Variants in LUZP2 observed in about 807,000 individuals in gnomAD.
LUZP2 encodes leucine zipper protein 2.
LUZP2 carries 52 observed loss-of-function variants against 51.6 expected under a neutral mutation model. The ratio of observed to expected loss-of-function variants is 1.01; its 90% CI spans 0.81 to 1.27. The LOEUF (loss-of-function observed/expected upper bound fraction) is 1.27. LUZP2 is among the 50% of genes most tolerant of loss of function. The pLI is 0.00. For missense variants in LUZP2, 436 were observed against 395.4 expected, an observed-to-expected ratio of 1.10 and a Z score of -0.87; for synonymous variants, 154 against 137.3, an observed-to-expected ratio of 1.12 and a Z score of -0.85.
chr11:24,600,207 A>G (rs1051784705), intron 1 of LUZP2, among the ~76,000 whole-genome samples: 2 of 132,652 alleles, frequency 1.5e-5, no homozygotes, highest in African/African-American at 2.8e-5. Flanking sequence ...ACACACACAC[A>G]CACACACACA....
intron 1 of LUZP2, among the ~76,000 whole-genome samples, chr11:24,534,172 T>C (rs916301779): frequency 1.3e-5 from 2 of 151,284 alleles, no homozygotes; most frequent in Non-Finnish European, 3.0e-5. Context: ...TTTCATCAAG[T>C]TGATGTTTAG....
chr11:24,601,866 G>A (rs12289011), intron 1 of LUZP2, among the ~76,000 whole-genome samples: 10 of 106,880 alleles, frequency 9.4e-5, no homozygotes, highest in East Asian at 5.1e-4. Flanking sequence ...ATATATATGT[G>A]TATATGTATA....
chr11:24,762,972 G>T lies in LUZP2; in HGVS notation c.334-274G>T. 4.2e-6 allele frequency: 4 copies of T among 961,150 alleles called. No individual in the cohort carries two copies. The South Asian group carries it at 1.9e-4, about 46-fold the overall frequency. The allele number at this position is 961,150 out of a possible 1,614,324, so 59.5% of individuals were successfully genotyped here. A position where few individuals can be genotyped will look rare whatever the true frequency, so the allele number is the denominator to read the frequency against. On this transcript the variant is annotated intron_variant, in intron 4 of 11. Transcript: ENST00000336930. ...TTTAAAAGGAAATGAAGTTTATCCA[G>T]GCAAGAGAATCACAGTCATAAAGTG...
intron 5 of LUZP2, among the ~76,000 whole-genome samples, chr11:24,814,268 A>C (rs1850107060): frequency 6.6e-6 from 1 of 152,128 alleles, no homozygotes; most frequent in Non-Finnish European, 1.5e-5. Flanking sequence ...ACTGTGAAAA[A>C]TTATTTCTTC....
At chr11:24,824,506 T>C (rs2134164937) in intron 5 of LUZP2, among the ~76,000 whole-genome samples, 1 of 152,032 alleles carries the variant, frequency 6.6e-6, no homozygotes, top group Non-Finnish European at 1.5e-5. Flanking sequence ...TAGTTATGGT[T>C]TTTATTCTAT....
chr11:24,702,487 G>C (rs946197507), intron 1 of LUZP2, among the ~76,000 whole-genome samples: 1 of 152,184 alleles, frequency 6.6e-6, no homozygotes, highest in African/African-American at 2.4e-5. Context: ...CTTCTGCTGA[G>C]GCCTCAGTGA....
In LUZP2 at chr11:24,715,629, C is replaced by T. The variant is rs368205609; in HGVS notation, c.63-13540C>T. On this transcript the variant is annotated intron_variant, in intron 1 of 11. Transcript: ENST00000336930. Reference sequence around the variant, plus strand: ...ATCATCCTATGCGTCATTCAAGGCCCCACACAAAGATATTTTCTTCCATGA... The same window carrying T: ...ATCATCCTATGCGTCATTCAAGGCCTCACACAAAGATATTTTCTTCCATGA... Among the ~76,000 whole-genome samples, 26 of 152,214 alleles carry T rather than the reference C, an allele frequency of 1.7e-4. 1 individual carries two copies. The East Asian group carries it at 2.5e-3, about 15-fold the overall frequency.
intron 1 of LUZP2, among the ~76,000 whole-genome samples, chr11:24,655,045 G>T (rs1855760086): frequency 6.6e-6 from 1 of 152,066 alleles, no homozygotes; most frequent in Non-Finnish European, 1.5e-5. Context: ...TGAAAGCATA[G>T]TATGTTGCAG....
intron 1 of LUZP2, among the ~76,000 whole-genome samples, chr11:24,520,712 G>A (rs1213019974): frequency 6.6e-6 from 1 of 152,170 alleles, no homozygotes; most frequent in Non-Finnish European, 1.5e-5. Context: ...CTAGGCTTAG[G>A]AAACCTTAAT....
At chr11:24,915,273 C>A (rs916100773) in intron 7 of LUZP2, among the ~76,000 whole-genome samples, 3 of 152,192 alleles carry the variant, frequency 2.0e-5, no homozygotes, top group African/African-American at 7.2e-5. Context: ...ACAGTGTCAA[C>A]AAACCTCAGG....
intron 1 of LUZP2, among the ~76,000 whole-genome samples, chr11:24,723,339 C>T (rs549097539): frequency 5.3e-5 from 8 of 152,290 alleles, no homozygotes; most frequent in East Asian, 3.9e-4. Flanking sequence ...CATATGCGTG[C>T]TTTATGATGC....
intron 1 of LUZP2, among the ~76,000 whole-genome samples, chr11:24,564,499 T>G (rs1301342776): frequency 2.6e-5 from 4 of 152,178 alleles, no homozygotes; most frequent in African/African-American, 9.6e-5. Context: ...TTATTCATTT[T>G]TCAAGGTGAT....
At chr11:24,618,746 T>C (rs1035892520) in intron 1 of LUZP2, among the ~76,000 whole-genome samples, 2 of 152,144 alleles carry the variant, frequency 1.3e-5, no homozygotes, top group African/African-American at 4.8e-5. Flanking sequence ...TTGTGTTTGT[T>C]TTATATATAA....
At chr11:24,528,431 G>GTATTGTTGTACTTGT (rs1191246823) in intron 1 of LUZP2, among the ~76,000 whole-genome samples, 1 of 151,264 alleles carries the variant, frequency 6.6e-6, no homozygotes, top group East Asian at 1.9e-4. Context: ...ATTTTAGAAA[G>GTATTGTTGTACTTGT]TGTTGTTGTA....
chr11:24,846,463 A>C (rs914304800), intron 5 of LUZP2, among the ~76,000 whole-genome samples: 2 of 152,140 alleles, frequency 1.3e-5, no homozygotes, highest in African/African-American at 4.8e-5. Context: ...TTTTGAAAAA[A>C]AGTATGCCAA....
intron 1 of LUZP2, among the ~76,000 whole-genome samples, chr11:24,566,391 G>A (rs1434135509): frequency 4.1e-5 from 6 of 146,752 alleles, no homozygotes; most frequent in South Asian, 2.1e-4. Flanking sequence ...GTGCAGTGGC[G>A]TGATACGGCT....
At chr11:24,968,280 A>C (rs1166333994) in intron 7 of LUZP2, among the ~76,000 whole-genome samples, 1 of 152,202 alleles carries the variant, frequency 6.6e-6, no homozygotes, top group Non-Finnish European at 1.5e-5. Context: ...TGAGCAGACC[A>C]TATGGTTAAC....
At chr11:24,946,728 G>A (rs1854911385) in intron 7 of LUZP2, among the ~76,000 whole-genome samples, 1 of 151,694 alleles carries the variant, frequency 6.6e-6, no homozygotes, top group Non-Finnish European at 1.5e-5. Context: ...CATAATTTTA[G>A]AATGTGCTGT....
intron 5 of LUZP2, among the ~76,000 whole-genome samples, chr11:24,773,215 T>C (rs192449001): frequency 4.0e-4 from 60 of 149,546 alleles, no homozygotes; most frequent in African/African-American, 1.5e-3. Context: ...AATATATTAC[T>C]TAATTCCAAT....
Sources: allele counts gnomAD v4.1 joint callset (sites outside exome capture counted in the v4.1 genomes callset), GRCh38; gene constraint gnomAD v4.1.1; transcripts MANE v1.5; gene names NCBI Gene and HGNC (gene_info 2026-07-23, HGNC 2026-07-21).